Variants in MYT1L observed in about 807,000 individuals in gnomAD.
MYT1L encodes the protein myelin transcription factor 1 like, also known as myelin transcription factor 1-like protein.
Under a neutral mutation model 126.7 loss-of-function variants are expected in MYT1L, and 12 were observed. That is an observed-to-expected ratio of 0.09 (90% CI 0.06 to 0.15). MYT1L has a LOEUF of 0.15. Ranked by LOEUF, MYT1L falls within the 10% of genes least tolerant of loss-of-function variation. The pLI, the probability that MYT1L is intolerant of heterozygous loss-of-function variation, is 1.00. For missense variants in MYT1L, 979 were observed against 1,585.2 expected (o/e 0.62, Z 6.49); for synonymous variants, 541 against 604.2 (o/e 0.90, Z 1.53).
intron 1 of MYT1L, among the ~76,000 whole-genome samples, chr2:2,302,675 T>C (rs2095802313): frequency 6.6e-6 from 1 of 152,190 alleles, no homozygotes; most frequent in Non-Finnish European, 1.5e-5. Context: ...GAACAAAAAG[T>C]GGAAACCTGA....
intron 1 of MYT1L, among the ~76,000 whole-genome samples, chr2:2,328,710 T>TA (rs889402419): frequency 1.3e-5 from 2 of 152,226 alleles, no homozygotes; most frequent in African/African-American, 4.8e-5. Flanking sequence ...TGTATTTGGA[T>TA]AAAATTTTCC....
chr2:2,050,518 C>T (rs1277192785), intron 4 of MYT1L, among the ~76,000 whole-genome samples: 5 of 152,134 alleles, frequency 3.3e-5, no homozygotes, highest in African/African-American at 7.2e-5. Flanking sequence ...GCTGCGGAGG[C>T]GCCACAGGTG....
intron 2 of MYT1L, among the ~76,000 whole-genome samples, chr2:2,192,254 C>T (rs533451245): frequency 1.3e-5 from 2 of 152,298 alleles, no homozygotes; most frequent in South Asian, 2.1e-4. Context: ...TGCAGTCTGG[C>T]GGAACACCAT....
intron 2 of MYT1L, among the ~76,000 whole-genome samples, chr2:2,250,813 G>C (rs6548120): frequency 0.47 from 71,259 of 151,598 alleles, 17,804 homozygotes; most frequent in East Asian, 0.81. Context: ...GAACTAAAAA[G>C]GAAATTGAGA....
chr2:2,199,690 C>T (rs1207333111), intron 2 of MYT1L, among the ~76,000 whole-genome samples: 1 of 152,168 alleles, frequency 6.6e-6, no homozygotes, highest in Admixed American at 6.6e-5. Context: ...CTCCTCCTCA[C>T]CTTGGGTCTT....
chr2:2,004,023 C>A (rs36078828), intron 4 of MYT1L, among the ~76,000 whole-genome samples: 53,006 of 134,718 alleles, frequency 0.39, 9,793 homozygotes, highest in African/African-American at 0.46. Context: ...TCCTGCATGC[C>A]TTCTTTCCTG....
intron 3 of MYT1L, among the ~76,000 whole-genome samples, chr2:2,063,198 G>A (rs1466748588): frequency 6.6e-6 from 1 of 152,104 alleles, no homozygotes; most frequent in African/African-American, 2.4e-5. Flanking sequence ...TAAAATAAAT[G>A]TGTTCTCATT....
chr2:2,242,639 G>T (rs1444239115), intron 2 of MYT1L, among the ~76,000 whole-genome samples: 1 of 152,170 alleles, frequency 6.6e-6, no homozygotes, highest in Non-Finnish European at 1.5e-5. Flanking sequence ...AGCAGGCAGG[G>T]TCCCCAATCC....
rs531752396 is a variant in MYT1L at position 2,011,343 on chromosome 2, C to T, written c.-157-13996G>A. Among the ~76,000 whole-genome samples, 338 of 150,292 alleles carry T rather than the reference C, an allele frequency of 2.2e-3. 2 individuals are homozygous for T. Among genetic ancestry groups the T allele is most frequent in the African/African-American group, 7.7e-3 (312 of 40,616 alleles). ...GGAGGCAGTGAGTTGCAGTGAGTTG[C>T]AGTGAGCCGAGATTGCGCCACTGCA... On this transcript the variant is annotated intron_variant, in intron 4 of 24. Transcript: ENST00000647738.
At position 1,870,627 on chromosome 2, in the gene MYT1L, G is replaced by A. The variant is rs528279639; in HGVS notation, c.2711+15912C>T. On this transcript the variant is annotated intron_variant, in intron 18 of 24. Transcript: ENST00000647738. The stretch of plus-strand genomic sequence containing the variant: ...CAAGACCTGGCCAGGCAAGTCCATC[G>A]TGAACTCTGAATCATGCTGTTGTAG... 1.1e-4 allele frequency among the ~76,000 whole-genome samples: 16 copies of A among 152,250 alleles called. No individual in the cohort carries two copies. The East Asian group carries it at 1.9e-3, about 18-fold the overall frequency.
At chr2:2,056,262 G>C (rs184653613) in intron 3 of MYT1L, among the ~76,000 whole-genome samples, 1 of 152,218 alleles carries the variant, frequency 6.6e-6, no homozygotes, top group Admixed American at 6.5e-5. Flanking sequence ...CCTTTCCTGG[G>C]TCCCTCAGGC....
At chr2:1,987,609 C>A (rs1278591803) in intron 5 of MYT1L, among the ~76,000 whole-genome samples, 1 of 152,218 alleles carries the variant, frequency 6.6e-6, no homozygotes, top group African/African-American at 2.4e-5. Flanking sequence ...CTGTTCCAAG[C>A]TGGTTCTGAA....
chr2:1,846,555 G>A (rs943769726), intron 19 of MYT1L, among the ~76,000 whole-genome samples: 2 of 152,098 alleles, frequency 1.3e-5, no homozygotes, highest in African/African-American at 2.4e-5. Context: ...GCGAGAAAGG[G>A]CCAACAACAG....
intron 3 of MYT1L, among the ~76,000 whole-genome samples, chr2:2,104,272 C>A (rs1194460834): frequency 6.6e-6 from 1 of 152,188 alleles, no homozygotes; most frequent in Non-Finnish European, 1.5e-5. Flanking sequence ...CGCAATAATT[C>A]TGTAACACAT....
At chr2:2,092,740 T>C (rs1244006104) in intron 3 of MYT1L, among the ~76,000 whole-genome samples, 1 of 152,182 alleles carries the variant, frequency 6.6e-6, no homozygotes, top group Admixed American at 6.5e-5. Context: ...GTGCTGCACA[T>C]CCTAGCCTCC....
At chr2:2,291,623 C>A (rs543572345) in intron 1 of MYT1L, among the ~76,000 whole-genome samples, 1 of 152,186 alleles carries the variant, frequency 6.6e-6, no homozygotes, top group Non-Finnish European at 1.5e-5. Context: ...AGACGCGGTG[C>A]GTGATGGGTT....
At chr2:1,902,492 C>T (rs1184611443) in intron 14 of MYT1L, among the ~76,000 whole-genome samples, 1 of 152,344 alleles carries the variant, frequency 6.6e-6, no homozygotes, top group Non-Finnish European at 1.5e-5. Context: ...TCTGGCTACC[C>T]GGCAATCACT....
Position 1,910,379 on chromosome 2 carries a change from C to A in MYT1L, c.1710-32G>T, listed in dbSNP as rs370989067. The A allele has an allele frequency of 8.3e-6, 13 of 1,567,628 alleles. No individual in the cohort carries two copies. Among genetic ancestry groups the A allele is most frequent in the Non-Finnish European group, 1.1e-5 (13 of 1,145,672 alleles). ...TCACAGAAAGCGGGTTGAATGGTCC[C>A]GCCTCAAACACCTTCACAGCACACT... On this transcript the variant is annotated intron_variant, in intron 12 of 24. Coordinates refer to ENST00000647738, the MANE Select transcript of MYT1L (RefSeq NM_001303052.2). The surrounding 1 kb of genome is among the most constrained non-coding windows in gnomAD (Gnocchi z 4.8).
chr2:2,316,250 C>T (rs1266221714), intron 1 of MYT1L, among the ~76,000 whole-genome samples: 1 of 152,136 alleles, frequency 6.6e-6, no homozygotes, highest in Non-Finnish European at 1.5e-5. Context: ...AATATTCAGG[C>T]CCACTCTTTT....
Sources: allele counts gnomAD v4.1 joint callset (sites outside exome capture counted in the v4.1 genomes callset), GRCh38; gene constraint gnomAD v4.1.1; non-coding constraint Gnocchi (gnomAD v3.1); transcripts MANE v1.5; gene names NCBI Gene and HGNC (gene_info 2026-07-23, HGNC 2026-07-21).